Variants in ROBO1 observed in about 807,000 individuals in gnomAD.
ROBO1 encodes roundabout homolog 1.
Under a neutral mutation model 195.9 loss-of-function variants are expected in ROBO1, and 149 were observed. That is an observed-to-expected ratio of 0.76 (90% CI 0.67 to 0.87). The LOEUF is 0.87. ROBO1 is among the 40% of genes least tolerant of loss of function. The pLI, the probability that ROBO1 is intolerant of heterozygous loss-of-function variation, is 0.00. For missense variants in ROBO1, 1,933 were observed against 2,068.3 expected (o/e 0.93, Z 1.27); for synonymous variants, 816 against 733.2 (o/e 1.11, Z -1.82).
intron 1 of ROBO1, among the ~76,000 whole-genome samples, chr3:79,739,551 A>G (rs1162985408): frequency 6.6e-6 from 1 of 152,148 alleles, no homozygotes; most frequent in African/African-American, 2.4e-5. Flanking sequence ...CATTACCACA[A>G]AACACAAAAG....
intron 20 of ROBO1, among the ~76,000 whole-genome samples, chr3:78,646,651 C>T (rs1035708412): frequency 6.7e-6 from 1 of 148,648 alleles, no homozygotes; most frequent in Non-Finnish European, 1.5e-5. Context: ...AGTATGAGTA[C>T]CAGTAAGTCA....
rs552403634 is a variant in ROBO1 at position 78,890,373 on chromosome 3, G to A, written c.499+48228C>T. Among the ~76,000 whole-genome samples, 50 of 152,230 alleles carry A rather than the reference G, an allele frequency of 3.3e-4. 1 individual carries two copies. Among genetic ancestry groups the A allele is most frequent in the African/African-American group, 1.1e-3 (47 of 41,548 alleles). The stretch of plus-strand genomic sequence containing the variant: ...CCCCTTATAAAAGAGAAAGAGAAGT[G>A]ATTTCTCTCTCTGCTTGTATGCACC... On this transcript the variant is annotated intron_variant, in intron 4 of 30. Coordinates refer to ENST00000464233, the MANE Select transcript of ROBO1 (RefSeq NM_002941.4).
chr3:79,481,553 C>T (rs1938860255), intron 2 of ROBO1, among the ~76,000 whole-genome samples: 1 of 152,132 alleles, frequency 6.6e-6, no homozygotes, highest in South Asian at 2.1e-4. Context: ...ACCAGCTTGA[C>T]CTGCTAATAT....
chr3:78,670,074 G>T (rs753247395), intron 11 of ROBO1, 22 bp downstream of exon 11: 1 of 1,550,564 alleles, frequency 6.4e-7, no homozygotes, highest in Non-Finnish European at 8.8e-7. Flanking sequence ...AACAAGAAAC[G>T]CAAGGTGCCA....
chr3:79,373,200 C>G (rs774859524), intron 2 of ROBO1, among the ~76,000 whole-genome samples: 30 of 152,112 alleles, frequency 2.0e-4, no homozygotes, highest in Non-Finnish European at 4.4e-4. Flanking sequence ...TTTGTAACTA[C>G]CAAGAAGTAA....
chr3:79,353,400 AAC>A (rs10608740), intron 2 of ROBO1, among the ~76,000 whole-genome samples: 105,829 of 148,022 alleles, frequency 0.71, 37,571 homozygotes, highest in East Asian at 0.81. Flanking sequence ...CACAGAAACA[AAC>A]ACACACACAC....
intron 2 of ROBO1, among the ~76,000 whole-genome samples, chr3:79,471,164 C>A (rs2107319567): frequency 6.6e-6 from 1 of 152,046 alleles, no homozygotes; most frequent in Non-Finnish European, 1.5e-5. Flanking sequence ...TCAGAAATAT[C>A]AAAGACTCAA....
chr3:79,523,809 A>G (rs979663544), intron 2 of ROBO1, among the ~76,000 whole-genome samples: 1 of 152,168 alleles, frequency 6.6e-6, no homozygotes, highest in Non-Finnish European at 1.5e-5. Flanking sequence ...TGCATCTAAA[A>G]GAGAGACTAC....
intron 1 of ROBO1, among the ~76,000 whole-genome samples, chr3:79,662,545 T>G (rs1266467339): frequency 1.3e-5 from 2 of 152,090 alleles, no homozygotes; most frequent in African/African-American, 4.8e-5. Context: ...CAATGGAGTT[T>G]TTACCTTGTA....
intron 2 of ROBO1, among the ~76,000 whole-genome samples, chr3:79,344,705 A>G (rs2035042810): frequency 6.6e-6 from 1 of 152,070 alleles, no homozygotes; most frequent in Non-Finnish European, 1.5e-5. Flanking sequence ...GCATACATAT[A>G]TGCATATATA....
chr3:78,877,073 C>T (rs76069544), intron 4 of ROBO1, among the ~76,000 whole-genome samples: 9,518 of 151,816 alleles, frequency 0.063, 668 homozygotes, highest in African/African-American at 0.18. Flanking sequence ...TACAACAGGG[C>T]CTGACATGTA....
intron 2 of ROBO1, among the ~76,000 whole-genome samples, chr3:79,206,129 C>A (rs1394140785): frequency 6.6e-6 from 1 of 152,162 alleles, no homozygotes; most frequent in Admixed American, 6.5e-5. Context: ...CTGTCCTACT[C>A]AATCCCAGCT....
In ROBO1 at chr3:78,813,072, T is replaced by C. The variant is rs191125896; in HGVS notation, c.500-66172A>G. On this transcript the variant is annotated intron_variant, in intron 4 of 30. Coordinates refer to ENST00000464233, the MANE Select transcript of ROBO1 (RefSeq NM_002941.4). Reference sequence around the variant, plus strand: ...TATAAACTATGAACTATTCCAGATATCGACATTTTAAGTGATTCATTAACA... The same window carrying C: ...TATAAACTATGAACTATTCCAGATACCGACATTTTAAGTGATTCATTAACA... 2.6e-5 allele frequency among the ~76,000 whole-genome samples: 4 copies of C among 152,180 alleles called. No homozygotes were observed. In the East Asian group the frequency reaches 5.8e-4, roughly 22 times the overall value.
intron 17 of ROBO1, among the ~76,000 whole-genome samples, chr3:78,658,960 T>C (rs1192884335): frequency 6.6e-6 from 1 of 152,144 alleles, no homozygotes. Context: ...AATCCACCCT[T>C]TTGCATTTCT....
At chr3:79,754,430 A>C (rs970357567) in intron 1 of ROBO1, among the ~76,000 whole-genome samples, 4 of 152,140 alleles carry the variant, frequency 2.6e-5, no homozygotes, top group African/African-American at 9.7e-5. Context: ...GTTGAAGTGA[A>C]CTATAACTTG....
At chr3:79,357,282 T>C (rs1393249396) in intron 2 of ROBO1, among the ~76,000 whole-genome samples, 2 of 152,154 alleles carry the variant, frequency 1.3e-5, no homozygotes, top group Non-Finnish European at 2.9e-5. Flanking sequence ...GACAATAACC[T>C]TTGAGAGCCC....
intron 4 of ROBO1, among the ~76,000 whole-genome samples, chr3:78,817,769 C>A (rs2030279401): frequency 6.6e-6 from 1 of 152,044 alleles, no homozygotes; most frequent in Non-Finnish European, 1.5e-5. Flanking sequence ...TTAAAGTTGC[C>A]AAGAATTTCA....
Position 79,349,490 on chromosome 3 carries a change from G to C in ROBO1, c.89-223951C>G, listed in dbSNP as rs545166148. Among the ~76,000 whole-genome samples the C allele has an allele frequency of 3.9e-5, 6 of 152,216 alleles. 1 individual carries two copies. The South Asian group carries it at 8.3e-4, about 21-fold the overall frequency. Reference sequence around the variant, plus strand: ...TAGATAGATAAATAGATGATAGATAGATTATAAGAAACTAAGACTAATTAA... The same window carrying C: ...TAGATAGATAAATAGATGATAGATACATTATAAGAAACTAAGACTAATTAA... On this transcript the variant is annotated intron_variant, in intron 2 of 30. Coordinates refer to ENST00000464233, the MANE Select transcript of ROBO1 (RefSeq NM_002941.4).
chr3:78,717,879 C>T lies in ROBO1; in HGVS notation c.662G>A (p.Arg221Gln), dbSNP rs771883156. The change falls in exon 6 of 31, where the codon CGA becomes CAA. Residue 221 changes from arginine to glutamine, a missense_variant. By Grantham distance (43) the Arg-to-Gln change is conservative. This residue lies in a region of ROBO1 where 1,737 missense variants were observed against 1,882.5 expected (regional missense o/e 0.92). Coordinates refer to ENST00000464233, the MANE Select transcript of ROBO1 (RefSeq NM_002941.4). ...GTAAGTGATCATGAGCTTTCCTCCTCGTATCTTAAAAAAAAAGTTTCACAG... is the reference window on the plus strand; with the variant it reads ...GTAAGTGATCATGAGCTTTCCTCCTTGTATCTTAAAAAAAAAGTTTCACAG... The part of the protein sequence containing the change: ...LDDKDERITI[R>Q]GGKLMITYTR... 1.9e-6 allele frequency: 3 copies of T among 1,612,202 alleles called. No homozygotes were observed. The highest frequency in any genetic ancestry group is 1.1e-5 in the South Asian group (1 of 90,906).
Sources: gnomAD v4.1 joint callset for allele counts (sites outside exome capture counted in the v4.1 genomes callset) on GRCh38, gnomAD v4.1.1 for gene constraint, gnomAD v4.1.1 regional missense constraint, MANE v1.5 for transcripts, NCBI Gene and HGNC (gene_info 2026-07-23, HGNC 2026-07-21) for gene names.